Variants in TSPAN3 observed in about 807,000 individuals in gnomAD.
TSPAN3 encodes tetraspanin 3, also known as tetraspanin-3.
A neutral mutation model predicts 31.1 loss-of-function variants in TSPAN3; 9 were observed. The ratio of observed to expected loss-of-function variants is 0.29; its 90% CI spans 0.17 to 0.50. The LOEUF is 0.50. TSPAN3 is among the 20% of genes least tolerant of loss of function. The probability of loss-of-function intolerance (pLI) is 0.98; values close to 1 mark genes in which losing one functional copy is unlikely to be tolerated. For missense variants in TSPAN3, 252 were observed against 313.5 expected (o/e 0.80, Z 1.48); for synonymous variants, 129 against 114.3 (o/e 1.13, Z -0.82).
intron 1 of TSPAN3, among the ~76,000 whole-genome samples, chr15:77,070,448 C>T (rs2076860647): frequency 6.6e-6 from 1 of 152,164 alleles, no homozygotes. Context: ...GCGGATCTGC[C>T]CGCCTCGGGA....
chr15:77,044,053 T>G lies in TSPAN3; in HGVS notation c.*2782A>C, dbSNP rs770455009. On this transcript the variant is annotated 3_prime_UTR_variant, in exon 7 of 7. Coordinates refer to ENST00000267970, the MANE Select transcript of TSPAN3 (RefSeq NM_005724.6). ...TTTGTACAGTTTTTATTCTTGCAAC[T>G]TTTCTGTAGCTTTGAAATCATTTCC... 1 of 152,184 alleles carries G rather than the reference T, an allele frequency of 6.6e-6. No homozygotes were observed. Among genetic ancestry groups the G allele is most frequent in the Non-Finnish European group, 1.5e-5 (1 of 68,014 alleles). The allele number at this position is 152,184 out of a possible 1,614,324, so 9.4% of individuals were successfully genotyped here.
In TSPAN3 at chr15:77,043,834, C is replaced by T. The variant is rs899392838; in HGVS notation, c.*3001G>A. 2 of 152,120 alleles carry T rather than the reference C, an allele frequency of 1.3e-5. No homozygotes were observed. The highest frequency in any genetic ancestry group is 4.8e-5 in the African/African-American group (2 of 41,404). The allele number at this position is 152,120 out of a possible 1,614,324, so 9.4% of individuals were successfully genotyped here. A position where few individuals can be genotyped will look rare whatever the true frequency, so the allele number is the denominator to read the frequency against. On this transcript the variant is annotated 3_prime_UTR_variant, in exon 7 of 7. Transcript: ENST00000267970. ...TGCAGTCGTCAGAGAGTATCTTCTT[C>T]TTGGTAAGTACCCACTGAGGTATTA... is the stretch of plus-strand genomic sequence containing the variant.
chr15:77,070,984 GGAGAGCGGGGCTGCGCTCACC>G lies in TSPAN3; in HGVS notation c.-51_-31del, dbSNP rs1292731451. On this transcript the variant is annotated 5_prime_UTR_variant, in exon 1 of 7. Coordinates refer to ENST00000267970, the MANE Select transcript of TSPAN3 (RefSeq NM_005724.6). ...CCGGTGGCCCGCGAAGGCCCGGCCC[GGAGAGCGGGGCTGCGCTCACC>G]GAGAGAGCGGCAATGGCGGCGGCGC... 1 of 1,404,654 alleles carries G rather than the reference GGAGAGCGGGGCTGCGCTCACC, an allele frequency of 7.1e-7. No homozygotes were observed. The highest frequency in any genetic ancestry group is 9.3e-7 in the Non-Finnish European group (1 of 1,069,528). 87.0% of individuals were successfully genotyped at this position (1,404,654 alleles called of 1,614,324 possible).
chr15:77,061,681 T>C (rs1197584205), intron 1 of TSPAN3, among the ~76,000 whole-genome samples: 1 of 152,190 alleles, frequency 6.6e-6, no homozygotes, highest in Non-Finnish European at 1.5e-5. Context: ...GCCAAAAGTA[T>C]ACCTACATGG....
At chr15:77,063,067 A>G (rs2076809751) in intron 1 of TSPAN3, among the ~76,000 whole-genome samples, 1 of 152,184 alleles carries the variant, frequency 6.6e-6, no homozygotes, top group African/African-American at 2.4e-5. Context: ...TTGAGGCTTT[A>G]ATGTTCTCTC....
Position 77,046,770 on chromosome 15 carries a change from G to T in TSPAN3, c.*65C>A. The T allele has an allele frequency of 8.0e-7, 1 of 1,250,030 alleles. No individual in the cohort carries two copies. Among genetic ancestry groups the T allele is most frequent in the Non-Finnish European group, 1.1e-6 (1 of 873,474 alleles). The allele number at this position is 1,250,030 out of a possible 1,614,324, so 77.4% of individuals were successfully genotyped here. On this transcript the variant is annotated 3_prime_UTR_variant, in exon 7 of 7. Coordinates refer to ENST00000267970, the MANE Select transcript of TSPAN3 (RefSeq NM_005724.6). ...AAATGAACTCCAGAGGCCAACAGCA[G>T]CAGACCTGCTCAATTCACCTTCCAA... is the stretch of plus-strand genomic sequence containing the variant.
intron 1 of TSPAN3, among the ~76,000 whole-genome samples, chr15:77,067,304 A>T (rs1229431896): frequency 2.0e-5 from 3 of 151,770 alleles, no homozygotes; most frequent in Non-Finnish European, 4.4e-5. Context: ...ATTGTTCCAA[A>T]CTATCTACAC....
chr15:77,049,274 C>T (rs1226640456), intron 6 of TSPAN3, among the ~76,000 whole-genome samples: 6 of 152,058 alleles, frequency 3.9e-5, no homozygotes, highest in African/African-American at 1.4e-4. Flanking sequence ...CAGTCTCCAC[C>T]GGCTTCACAT....
At chr15:77,053,619 G>C (rs1465440149) in intron 4 of TSPAN3, among the ~76,000 whole-genome samples, 1 of 151,716 alleles carries the variant, frequency 6.6e-6, no homozygotes, top group Non-Finnish European at 1.5e-5. Flanking sequence ...TAAAATATTT[G>C]GTCTTAAAAA....
intron 6 of TSPAN3, among the ~76,000 whole-genome samples, chr15:77,050,777 T>C (rs1446763487): frequency 6.6e-6 from 1 of 152,174 alleles, no homozygotes; most frequent in African/African-American, 2.4e-5. Context: ...ATGAAATAAA[T>C]CCCTGCTGAT....
chr15:77,071,095 C>A lies in TSPAN3; in HGVS notation c.-141G>T, dbSNP rs1205746245. On this transcript the variant is annotated 5_prime_UTR_variant, in exon 1 of 7. Transcript: ENST00000267970. ...GCAGCCCCTGCGCCGTCGCGCAGCC[C>A]CGACCCCAGCAAGTGCCTCGCTCCT... 2.1e-6 allele frequency: 1 copy of A among 468,826 alleles called. No homozygotes were observed. The highest frequency in any genetic ancestry group is 3.3e-6 in the Non-Finnish European group (1 of 305,574). The allele number at this position is 468,826 out of a possible 1,614,324, so 29.0% of individuals were successfully genotyped here. A position where few individuals can be genotyped will look rare whatever the true frequency, so the allele number is the denominator to read the frequency against.
chr15:77,058,313 C>T (rs1051585051), intron 1 of TSPAN3, among the ~76,000 whole-genome samples: 5 of 152,174 alleles, frequency 3.3e-5, no homozygotes, highest in African/African-American at 1.2e-4. Flanking sequence ...GATCTCATTA[C>T]CCCTTGTGAA....
At position 77,043,913 on chromosome 15, in the gene TSPAN3, GAC is replaced by G. The variant is rs1400641367; in HGVS notation, c.*2920_*2921del. On this transcript the variant is annotated 3_prime_UTR_variant, in exon 7 of 7. Transcript: ENST00000267970. ...GCAGCAGGAGGGAGGGAGAGGGAGA[GAC>G]AGGGGGTTGGCGCAAGGGAGAGAGA... The G allele has an allele frequency of 6.6e-6, 1 of 152,306 alleles. No individual in the cohort carries two copies. The highest frequency in any genetic ancestry group is 1.5e-5 in the Non-Finnish European group (1 of 68,048). The allele number at this position is 152,306 out of a possible 1,614,324, so 9.4% of individuals were successfully genotyped here. A position where few individuals can be genotyped will look rare whatever the true frequency, so the allele number is the denominator to read the frequency against.
rs1293313189 is a variant in TSPAN3, at chr15:77,056,135, C to A, written c.184G>T (p.Ala62Ser). The A allele has an allele frequency of 1.9e-6, 3 of 1,613,518 alleles. No homozygotes were observed. The highest frequency in any genetic ancestry group is 1.1e-5 in the South Asian group (1 of 90,950). Residue 62 changes from alanine to serine, a missense_variant, in exon 2 of 7, where the codon GCC becomes TCC. Physicochemically the swap from Ala to Ser is moderately conservative, Grantham distance 99. Coordinates refer to ENST00000267970, the MANE Select transcript of TSPAN3 (RefSeq NM_005724.6). ...IPAVVIIAVG[A>S]LLFIIGLIGC... ...ATTAGCCCAATGATGAAAAGCAGGG[C>A]TCCTACAGCTATGATCACTACAGCA... is the stretch of plus-strand genomic sequence containing the variant.
At chr15:77,047,343 G>C (rs111963025) in intron 6 of TSPAN3, among the ~76,000 whole-genome samples, 7,626 of 152,286 alleles carry the variant, frequency 0.05, 496 homozygotes, top group African/African-American at 0.16. Flanking sequence ...TTTAAATGTA[G>C]ACACATGTGG....
chr15:77,047,444 T>A (rs2076701360), intron 6 of TSPAN3, among the ~76,000 whole-genome samples: 1 of 152,180 alleles, frequency 6.6e-6, no homozygotes, highest in African/African-American at 2.4e-5. Context: ...GGTCTTTTGG[T>A]TTTTGGAAAA....
Position 77,052,882 on chromosome 15 carries a change from A to G in TSPAN3, c.480T>C (p.Asp160=). Residue 160 remains aspartate (D), a synonymous_variant, in exon 5 of 7, where the codon GAT becomes GAC. Coordinates refer to ENST00000267970, the MANE Select transcript of TSPAN3 (RefSeq NM_005724.6). ...IHNYSDWENT[D]WFKETKNQSV... Reference sequence around the variant, plus strand: ...TCTGGTTTTTGGTTTCTTTGAACCAATCTGTATTTTCCCAGTCTGAGTAGT... The same window carrying G: ...TCTGGTTTTTGGTTTCTTTGAACCAGTCTGTATTTTCCCAGTCTGAGTAGT... 1 of 1,614,068 alleles carries G rather than the reference A, an allele frequency of 6.2e-7. No individual in the cohort carries two copies. Among genetic ancestry groups the G allele is most frequent in the Non-Finnish European group, 8.5e-7 (1 of 1,179,974 alleles).
rs1272525508 is a variant in TSPAN3, at chr15:77,045,972, A to C, written c.*863T>G. 6.5e-6 allele frequency: 1 copy of C among 154,136 alleles called. No homozygotes were observed. The highest frequency in any genetic ancestry group is 6.5e-5 in the Admixed American group (1 of 15,334). 9.5% of individuals were successfully genotyped at this position (154,136 alleles called of 1,614,324 possible). On this transcript the variant is annotated 3_prime_UTR_variant, in exon 7 of 7. Transcript: ENST00000267970. ...ACTATAGACAGCACCAACAAAGAAA[A>C]CATGATACTGCTGCTCTGGAACTGA...
intron 6 of TSPAN3, among the ~76,000 whole-genome samples, chr15:77,051,015 A>G (rs1223520868): frequency 2.0e-5 from 3 of 152,192 alleles, no homozygotes; most frequent in Non-Finnish European, 4.4e-5. Context: ...TTAAACTAGC[A>G]ATTACATTGG....
Sources: allele counts gnomAD v4.1 joint callset (sites outside exome capture counted in the v4.1 genomes callset), GRCh38; gene constraint gnomAD v4.1.1; transcripts MANE v1.5; gene names NCBI Gene and HGNC (gene_info 2026-07-23, HGNC 2026-07-21).